Variants in DPP6 observed in about 807,000 individuals in gnomAD.
DPP6 encodes A-type potassium channel modulatory protein DPP6.
DPP6 carries 69 observed loss-of-function variants against 122.6 expected under a neutral mutation model. The ratio of observed to expected loss-of-function variants is 0.56; its 90% CI spans 0.46 to 0.69. The LOEUF (loss-of-function observed/expected upper bound fraction) is 0.69. Among genes scored for constraint, DPP6 ranks in the 30% least tolerant of loss-of-function variants. The pLI, the probability that DPP6 is intolerant of heterozygous loss-of-function variation, is 0.00. For missense variants in DPP6, 928 were observed against 1,116.9 expected, an observed-to-expected ratio of 0.83 and a Z score of 2.41; for synonymous variants, 418 against 433.1, an observed-to-expected ratio of 0.97 and a Z score of 0.43.
chr7:153,837,808 C>CT, the DPP6 span, among the ~76,000 whole-genome samples: 153 of 149,206 alleles, frequency 1.0e-3, 1 homozygote, highest in Admixed American at 1.7e-3. Context: ...GTAGCTGGGA[C>CT]TACAGGCACC....
At chr7:154,269,428 C>G (rs1196026135) in intron 1 of DPP6, among the ~76,000 whole-genome samples, 7 of 152,196 alleles carry the variant, frequency 4.6e-5, no homozygotes. Context: ...TCAGTGGTCA[C>G]TCAGCCTTGG....
At chr7:153,980,238 A>G (rs1585124981) in intron 1 of DPP6, among the ~76,000 whole-genome samples, 2 of 152,184 alleles carry the variant, frequency 1.3e-5, no homozygotes, top group South Asian at 4.1e-4. Context: ...TTATTAGTCT[A>G]TTCAGGGATT....
chr7:154,658,751 G>T (rs1324193539), intron 6 of DPP6, among the ~76,000 whole-genome samples: 1 of 152,228 alleles, frequency 6.6e-6, no homozygotes, highest in African/African-American at 2.4e-5. Context: ...AGAGATGTAA[G>T]GAGAGCAGGA....
chr7:154,622,504 T>C (rs919526723), intron 5 of DPP6, among the ~76,000 whole-genome samples: 2 of 152,188 alleles, frequency 1.3e-5, no homozygotes, highest in African/African-American at 2.4e-5. Flanking sequence ...TTTTTAGAAT[T>C]ACTCCGGAAG....
intron 1 of DPP6, among the ~76,000 whole-genome samples, chr7:154,392,118 A>T (rs1223069019): frequency 2.0e-5 from 3 of 152,280 alleles, no homozygotes; most frequent in African/African-American, 4.8e-5. Context: ...TACTAAAAAT[A>T]CAAAAATTAG....
chr7:154,104,622 T>C lies in DPP6; in HGVS notation c.243+51559T>C, dbSNP rs565413929. Among the ~76,000 whole-genome samples the C allele has an allele frequency of 1.4e-3, 214 of 152,390 alleles. 2 individuals are homozygous for C. The highest frequency in any genetic ancestry group is 1.5e-4 in the Non-Finnish European group (10 of 68,042). ...CAGGGACCCTTCGGCCCTGGACCTG[T>C]GCTGTGCAGGCATCTGCCTGTACAC... On this transcript the variant is annotated intron_variant, in intron 1 of 25. Transcript: ENST00000377770.
chr7:154,527,668 A>G (rs142621423), intron 3 of DPP6, among the ~76,000 whole-genome samples: 1 of 152,160 alleles, frequency 6.6e-6, no homozygotes, highest in Non-Finnish European at 1.5e-5. Context: ...ATCTATTACT[A>G]TGTAGGGATT....
chr7:153,884,307 A>C (rs1798836009), upstream of DPP6, among the ~76,000 whole-genome samples: 1 of 152,228 alleles, frequency 6.6e-6, no homozygotes, highest in Admixed American at 6.5e-5. Context: ...GATGGTTTCC[A>C]GCTTCATCCA....
At chr7:154,816,346 A>C (rs1322341233) in intron 16 of DPP6, among the ~76,000 whole-genome samples, 1 of 152,240 alleles carries the variant, frequency 6.6e-6, no homozygotes, top group African/African-American at 2.4e-5. Context: ...TGATTTCATT[A>C]TTAGTTATTG....
intron 1 of DPP6, among the ~76,000 whole-genome samples, chr7:154,230,209 G>A (rs189940286): frequency 6.6e-6 from 1 of 152,144 alleles, no homozygotes; most frequent in Non-Finnish European, 1.5e-5. Context: ...TATGCACGAA[G>A]CACATGGAAA....
At chr7:154,446,075 A>G in intron 1 of DPP6, 139 bp from the exon 2 acceptor site, 1 of 584,452 alleles carries the variant, frequency 1.7e-6, no homozygotes, top group East Asian at 3.0e-5. Context: ...AAGGGAACTA[A>G]TAGTAGCTTC....
chr7:154,612,663 T>C (rs1833985156), intron 5 of DPP6, among the ~76,000 whole-genome samples: 1 of 152,224 alleles, frequency 6.6e-6, no homozygotes, highest in South Asian at 2.1e-4. Context: ...TTCTTGTCTA[T>C]GAATTCAACT....
chr7:153,926,534 A>G (rs1800908429), intron 1 of DPP6, among the ~76,000 whole-genome samples: 1 of 152,162 alleles, frequency 6.6e-6, no homozygotes, highest in Admixed American at 6.5e-5. Context: ...TAGATGGTAC[A>G]GGTGTCAGAA....
intron 1 of DPP6, among the ~76,000 whole-genome samples, chr7:154,086,866 C>T (rs1193021836): frequency 2.0e-5 from 3 of 152,166 alleles, no homozygotes; most frequent in Non-Finnish European, 2.9e-5. Flanking sequence ...ATCCACCTGC[C>T]TTGGCCTCCT....
intron 1 of DPP6, among the ~76,000 whole-genome samples, chr7:154,076,273 A>G (rs1294447557): frequency 6.6e-6 from 1 of 152,136 alleles, no homozygotes. Flanking sequence ...AAAACGGTGA[A>G]CCCCTGTCCC....
intron 1 of DPP6, among the ~76,000 whole-genome samples, chr7:154,110,384 C>A (rs1026536318): frequency 2.0e-5 from 3 of 152,128 alleles, no homozygotes; most frequent in African/African-American, 7.2e-5. Flanking sequence ...ATGACTGAAT[C>A]AAAAAGAAGC....
chr7:153,898,206 A>G (rs1298737125), intron 1 of DPP6, among the ~76,000 whole-genome samples: 3 of 152,174 alleles, frequency 2.0e-5, no homozygotes, highest in African/African-American at 4.8e-5. Flanking sequence ...TAATCTCAGC[A>G]CTTTGGGAGG....
chr7:154,083,401 A>G (rs1804173232), intron 1 of DPP6, among the ~76,000 whole-genome samples: 1 of 151,966 alleles, frequency 6.6e-6, no homozygotes, highest in Non-Finnish European at 1.5e-5. Flanking sequence ...GGTACCAGGA[A>G]GTGAAAGAGG....
chr7:154,817,415 A>G (rs899254407), intron 16 of DPP6, among the ~76,000 whole-genome samples: 17 of 152,192 alleles, frequency 1.1e-4, no homozygotes, highest in African/African-American at 3.4e-4. Context: ...TTATGATGTC[A>G]TGAACATTAT....
Sources: gnomAD v4.1 joint callset for allele counts (sites outside exome capture counted in the v4.1 genomes callset) on GRCh38, gnomAD v4.1.1 for gene constraint, MANE v1.5 for transcripts, NCBI Gene and HGNC (gene_info 2026-07-23, HGNC 2026-07-21) for gene names.